PITPNC1: variants seen among roughly 807,000 people sequenced by gnomAD.
PITPNC1 encodes phosphatidylinositol transfer protein cytoplasmic 1, also known as cytoplasmic phosphatidylinositol transfer protein 1.
Under a neutral mutation model 44.7 loss-of-function variants are expected in PITPNC1, and 18 were observed. The observed-to-expected ratio is 0.40, with a 90% CI of 0.28 to 0.60. The LOEUF is 0.60. Among genes scored for constraint, PITPNC1 ranks in the 20% least tolerant of loss-of-function variants. PITPNC1 has a pLI of 0.39. For missense variants in PITPNC1, 290 were observed against 418.4 expected (o/e 0.69, Z 2.68); for synonymous variants, 141 against 149.6 (o/e 0.94, Z 0.42).
At chr17:67,555,537 A>G (rs1201114017) in intron 4 of PITPNC1, among the ~76,000 whole-genome samples, 3 of 152,028 alleles carry the variant, frequency 2.0e-5, no homozygotes, top group Non-Finnish European at 4.4e-5. Context: ...ATCAAGAGGT[A>G]GACTTTGGGC....
At position 67,563,378 on chromosome 17, in the gene PITPNC1, G is replaced by A. The variant is rs140555367; in HGVS notation, c.294+9761G>A. Among the ~76,000 whole-genome samples the A allele has an allele frequency of 8.0e-4, 122 of 152,270 alleles. 1 individual carries two copies. Among genetic ancestry groups the A allele is most frequent in the African/African-American group, 2.8e-3 (118 of 41,562 alleles). ...TTGAATTCCAGATAAAAGCTAAAAG[G>A]AAATTGTCTTTTAAAAGCCTATAAA... On this transcript the variant is annotated intron_variant, in intron 4 of 8. Coordinates refer to ENST00000581322, the MANE Select transcript of PITPNC1 (RefSeq NM_012417.4).
chr17:67,512,904 G>A (rs949367822), intron 1 of PITPNC1, among the ~76,000 whole-genome samples: 4 of 151,986 alleles, frequency 2.6e-5, no homozygotes, highest in Admixed American at 6.6e-5. Flanking sequence ...CAATATATCC[G>A]GAGTTATCTA....
At chr17:67,663,614 G>A (rs1032010469) in intron 6 of PITPNC1, among the ~76,000 whole-genome samples, 1 of 152,094 alleles carries the variant, frequency 6.6e-6, no homozygotes, top group Non-Finnish European at 1.5e-5. Flanking sequence ...AGCAGCAGAG[G>A]TGCTGCTCCT....
At chr17:67,394,470 A>G (rs1178955389) in intron 1 of PITPNC1, among the ~76,000 whole-genome samples, 1 of 152,200 alleles carries the variant, frequency 6.6e-6, no homozygotes, top group Non-Finnish European at 1.5e-5. Context: ...ACTTTCTTGG[A>G]TAGTGTTCAT....
At chr17:67,641,576 C>T (rs919836009) in intron 6 of PITPNC1, among the ~76,000 whole-genome samples, 6 of 152,014 alleles carry the variant, frequency 3.9e-5, no homozygotes, top group Non-Finnish European at 2.9e-5. Context: ...GCAGGCAGAT[C>T]GCTTAAGGTC....
intron 1 of PITPNC1, among the ~76,000 whole-genome samples, chr17:67,512,133 C>G (rs1360075116): frequency 1.3e-5 from 2 of 152,152 alleles, no homozygotes; most frequent in African/African-American, 2.4e-5. Context: ...GAGAAAGATC[C>G]ACGTTGACTC....
intron 1 of PITPNC1, among the ~76,000 whole-genome samples, chr17:67,399,505 A>G (rs528492274): frequency 6.6e-6 from 1 of 152,150 alleles, no homozygotes; most frequent in Non-Finnish European, 1.5e-5. Flanking sequence ...TTTACCACAC[A>G]TTTTGAACTC....
chr17:67,536,110 G>A (rs1236237348), intron 2 of PITPNC1, among the ~76,000 whole-genome samples: 1 of 152,008 alleles, frequency 6.6e-6, no homozygotes, highest in Non-Finnish European at 1.5e-5. Context: ...TAAACAACTA[G>A]GTAAATCTTT....
rs376148411 is a variant in PITPNC1, at chr17:67,692,672, C to T, written c.783C>T (p.Ile261=). Residue 261 remains isoleucine, a synonymous_variant, in exon 9 of 9, where the codon ATC becomes ATT. Transcript: ENST00000581322. ...IFPPAISISS[I]PLLPSSVRSA... is the part of the protein sequence containing the mutation. ...CACCTGCAATTTCTATCTCCAGCAT[C>T]CCCCTGCTGCCTTCTTCCGTCCGCA... 4 of 1,613,418 alleles carry T rather than the reference C, an allele frequency of 2.5e-6. No homozygotes were observed. The South Asian group carries it at 3.3e-5, about 13-fold the overall frequency.
At chr17:67,653,030 C>T (rs890007124) in intron 6 of PITPNC1, among the ~76,000 whole-genome samples, 4 of 152,110 alleles carry the variant, frequency 2.6e-5, no homozygotes, top group Non-Finnish European at 5.9e-5. Context: ...GCCTATGGTC[C>T]CAGCACTTTG....
chr17:67,399,029 T>C (rs2038265834), intron 1 of PITPNC1, among the ~76,000 whole-genome samples: 1 of 148,514 alleles, frequency 6.7e-6, no homozygotes, highest in Non-Finnish European at 1.5e-5. Context: ...TTTTTTTTTT[T>C]TTTGAGACGC....
At chr17:67,605,328 A>G (rs941341496) in intron 5 of PITPNC1, among the ~76,000 whole-genome samples, 3 of 152,224 alleles carry the variant, frequency 2.0e-5, no homozygotes, top group Non-Finnish European at 4.4e-5. Flanking sequence ...AGAAGGAGAC[A>G]GCTCTGCAAG....
intron 5 of PITPNC1, among the ~76,000 whole-genome samples, chr17:67,621,302 G>C (rs2041827242): frequency 6.6e-6 from 1 of 151,750 alleles, no homozygotes; most frequent in Non-Finnish European, 1.5e-5. Flanking sequence ...CTGCCTCCCA[G>C]GTTCAAGCGA....
chr17:67,385,587 G>C (rs992950475), intron 1 of PITPNC1, among the ~76,000 whole-genome samples: 1 of 151,260 alleles, frequency 6.6e-6, no homozygotes, highest in African/African-American at 2.4e-5. Context: ...CCGCTCTTTG[G>C]TCCGCACCAC....
chr17:67,511,842 G>T (rs1271963692), intron 1 of PITPNC1, among the ~76,000 whole-genome samples: 1 of 152,124 alleles, frequency 6.6e-6, no homozygotes, highest in Admixed American at 6.6e-5. Flanking sequence ...TACTTTGATA[G>T]ATGGGAAATG....
chr17:67,449,881 G>T (rs939684764), intron 1 of PITPNC1, among the ~76,000 whole-genome samples: 11 of 152,068 alleles, frequency 7.2e-5, no homozygotes, highest in African/African-American at 2.7e-4. Flanking sequence ...CAGAGATGGG[G>T]GTCTCACTAT....
intron 1 of PITPNC1, among the ~76,000 whole-genome samples, chr17:67,417,989 G>A (rs897026440): frequency 6.6e-6 from 1 of 152,118 alleles, no homozygotes; most frequent in Non-Finnish European, 1.5e-5. Context: ...GGCTGCAGTG[G>A]ACGTCCAGCC....
At chr17:67,478,078 A>C (rs2039655637) in intron 1 of PITPNC1, among the ~76,000 whole-genome samples, 1 of 152,048 alleles carries the variant, frequency 6.6e-6, no homozygotes, top group Admixed American at 6.6e-5. Flanking sequence ...GTATTGGAAA[A>C]CTGGGAGGCA....
At chr17:67,397,371 G>C (rs1454844967) in intron 1 of PITPNC1, among the ~76,000 whole-genome samples, 1 of 152,010 alleles carries the variant, frequency 6.6e-6, no homozygotes, top group Non-Finnish European at 1.5e-5. Flanking sequence ...GCTTCATCAC[G>C]GATTCATCTA....
Sources: gnomAD v4.1 joint callset for allele counts (sites outside exome capture counted in the v4.1 genomes callset) on GRCh38, gnomAD v4.1.1 for gene constraint, MANE v1.5 for transcripts, NCBI Gene and HGNC (gene_info 2026-07-23, HGNC 2026-07-21) for gene names.